Variants in LTK observed in about 807,000 individuals in gnomAD.
LTK encodes leukocyte tyrosine kinase receptor.
LTK carries 117 observed loss-of-function variants against 101.5 expected under a neutral mutation model. The ratio of observed to expected loss-of-function variants is 1.15; its 90% CI spans 0.99 to 1.34. The LOEUF (loss-of-function observed/expected upper bound fraction) is 1.34, where lower values mean the gene tolerates loss of function less well. LTK is among the 40% of genes most tolerant of loss of function. The probability of loss-of-function intolerance (pLI) is 0.00; values close to 1 mark genes in which losing one functional copy is unlikely to be tolerated. For synonymous variants in LTK, 563 were observed against 494.2 expected, an observed-to-expected ratio of 1.14 and a Z score of -1.85; for missense variants, 1,252 against 1,164.7, an observed-to-expected ratio of 1.07 and a Z score of -1.09.
chr15:41,505,151 C>CTT (rs2051223466), intron 15 of LTK, 57 bp downstream of exon 15: 1 of 1,587,896 alleles, frequency 6.3e-7, no homozygotes, highest in African/African-American at 1.3e-5. Context: ...TGTGGAAGGG[C>CTT]TGTTCCTTGG....
In LTK at chr15:41,511,423, T is replaced by C; in HGVS notation, c.813A>G (p.Ala271=). ...TCTCCCCGCGGCCCGCGCCCTCACC[T>C]GCCGCCCCGCCTCTCCCGCCGCTCC... ...APGSGGRGGA[A]GGGGGWTSRA... Residue 271 remains alanine (A), a splice_region_variant and synonymous_variant, in exon 6 of 20, where the codon GCA becomes GCG. Coordinates refer to ENST00000263800, the MANE Select transcript of LTK (RefSeq NM_002344.6). This position sits in a 1 kb window ranked among gnomAD's most constrained non-coding sequence, Gnocchi z 5.9. 1 of 1,382,988 alleles carries C rather than the reference T, an allele frequency of 7.2e-7. No homozygotes were observed. The highest frequency in any genetic ancestry group is 9.3e-7 in the Non-Finnish European group (1 of 1,077,168). The allele number at this position is 1,382,988 out of a possible 1,614,324, so 85.7% of individuals were successfully genotyped here.
chr15:41,503,731 C>A lies in LTK; in HGVS notation c.*265G>T. 1 of 652,718 alleles carries A rather than the reference C, an allele frequency of 1.5e-6. No individual in the cohort carries two copies. Among genetic ancestry groups the A allele is most frequent in the Non-Finnish European group, 2.8e-6 (1 of 353,066 alleles). The allele number at this position is 652,718 out of a possible 1,614,324, so 40.4% of individuals were successfully genotyped here. A position where few individuals can be genotyped will look rare whatever the true frequency, so the allele number is the denominator to read the frequency against. On this transcript the variant is annotated 3_prime_UTR_variant, in exon 20 of 20. Transcript: ENST00000263800. ...CATAATGGGAGAGCAATCCAGTGCT[C>A]CCCATGGACACCTGGGGTGTGTGTA...
At chr15:41,505,093 C>G (rs1465773887) in intron 15 of LTK, 29 bp from the exon 16 acceptor site, 2 of 1,594,250 alleles carry the variant, frequency 1.3e-6, no homozygotes, top group Non-Finnish European at 1.7e-6. Flanking sequence ...AAATCACTGC[C>G]AGAATCTAGA....
Position 41,513,038 on chromosome 15 carries a change from C to A in LTK, c.126G>T (p.Arg42=). ...SPLPLASPSP[R]DPKVSAPPSI... ...TAGGCGGGGCGCTGACTTTCGGGTC[C>A]CGGGGGCTGGGACTTGCCAGCGGCA... Residue 42 remains arginine (R), a synonymous_variant, in exon 2 of 20, where the codon CGG becomes CGT. Transcript: ENST00000263800. 6.2e-7 allele frequency: 1 copy of A among 1,612,698 alleles called. No homozygotes were observed. Among genetic ancestry groups the A allele is most frequent in the South Asian group, 1.1e-5 (1 of 91,012 alleles).
At chr15:41,508,043 A>G (rs1444478249) in intron 9 of LTK, 26 bp downstream of exon 9, 1 of 1,567,868 alleles carries the variant, frequency 6.4e-7, no homozygotes, top group Non-Finnish European at 8.6e-7. Flanking sequence ...CCAGGAGTCC[A>G]GACCTTGGGC....
At position 41,512,146 on chromosome 15, in the gene LTK, AC is replaced by A. The variant is rs2051496012; in HGVS notation, c.478del (p.Val160TrpfsTer81). On this transcript the variant is annotated frameshift_variant, in exon 4 of 20. Coordinates refer to ENST00000263800, the MANE Select transcript of LTK (RefSeq NM_002344.6). LOFTEE classifies it high-confidence loss of function. ...LGLGESLYIL[V>X]GQQGEDACPG... ...ACAGGCGTCCTCTCCCTGCTGCCCC[AC>A]CAGGATGTACAGCGACTCCCCGAGA... The A allele has an allele frequency of 1.2e-6, 2 of 1,604,728 alleles. No individual in the cohort carries two copies. Among genetic ancestry groups the A allele is most frequent in the Non-Finnish European group, 1.7e-6 (2 of 1,176,570 alleles).
Position 41,513,692 on chromosome 15 carries a change from C to G in LTK, c.18G>C (p.Gln6His). The G allele has an allele frequency of 6.2e-7, 1 of 1,612,312 alleles. No homozygotes were observed. The highest frequency in any genetic ancestry group is 1.1e-5 in the South Asian group (1 of 91,020). MGCWG[Q>H]LLVWFGAAGA... ...CCGCGGCTCCGAACCACACCAGCAG[C>G]TGTCCCCAGCAGCCCATCCCTGTTG... Residue 6 changes from glutamine (Q) to histidine (H), a missense_variant, in exon 1 of 20, where the codon CAG becomes CAC. Physicochemically the swap from Gln to His is conservative, Grantham distance 24 (BLOSUM62 0). Transcript: ENST00000263800.
At chr15:41,504,747 G>A (rs1206478001) in intron 17 of LTK, 26 bp downstream of exon 17, 5 of 1,601,862 alleles carry the variant, frequency 3.1e-6, no homozygotes, top group South Asian at 2.3e-5. Context: ...GAACAGTGGG[G>A]AAGGGGAGGG....
chr15:41,505,377 G>C (rs775424989), intron 14 of LTK, 24 bp downstream of exon 14: 1 of 1,613,660 alleles, frequency 6.2e-7, no homozygotes, highest in Non-Finnish European at 8.5e-7. Context: ...GAGGGGCCTG[G>C]GGGGGCTAAG....
At position 41,512,792 on chromosome 15, in the gene LTK, C is replaced by G. The variant is rs769650708; in HGVS notation, c.274G>C (p.Gly92Arg). The change falls in exon 3 of 20, where the codon GGG (glycine) becomes CGG (arginine). Residue 92 changes from glycine to arginine, a missense_variant. Gly to Arg is a moderately radical substitution (Grantham distance 125). Transcript: ENST00000263800. ...TQTQCDGAYA[G>R]TSVVVTVGAA... ...CCCACGGTCACCACCACGCTGGTCC[C>G]CGCGTACGCCCCGTCACATTGTGTC... The G allele has an allele frequency of 6.2e-7, 1 of 1,612,312 alleles. No homozygotes were observed. The highest frequency in any genetic ancestry group is 8.5e-7 in the Non-Finnish European group (1 of 1,179,718).
Position 41,511,974 on chromosome 15 carries a change from C to T in LTK, c.511-11G>A. 1 of 1,465,918 alleles carries T rather than the reference C, an allele frequency of 6.8e-7. No individual in the cohort carries two copies. The highest frequency in any genetic ancestry group is 8.9e-7 in the Non-Finnish European group (1 of 1,118,886). 90.8% of individuals were successfully genotyped at this position (1,465,918 alleles called of 1,614,324 possible). On this transcript the variant is annotated splice_polypyrimidine_tract_variant and intron_variant, in intron 4 of 19. Coordinates refer to ENST00000263800, the MANE Select transcript of LTK (RefSeq NM_002344.6). The surrounding 1 kb of genome is among the most constrained non-coding windows in gnomAD (Gnocchi z 5.9). ...GCTCTCCGGGCTACCCTGCGGGCAG[C>T]GGGGGAGGGAATCGGCGGGGCCCGG...
chr15:41,509,438 A>G (rs898700226), intron 7 of LTK, among the ~76,000 whole-genome samples: 1 of 152,240 alleles, frequency 6.6e-6, no homozygotes, highest in Non-Finnish European at 1.5e-5. Context: ...GACAGGCACA[A>G]AGGCATTTAC....
At chr15:41,506,183 A>G (rs1223812599) in intron 11 of LTK, among the ~76,000 whole-genome samples, 178 bp from the exon 12 acceptor site, 1 of 152,242 alleles carries the variant, frequency 6.6e-6, no homozygotes, top group Non-Finnish European at 1.5e-5. Flanking sequence ...GCTCACTGGC[A>G]TAGAGCCAGG....
Position 41,504,654 on chromosome 15 carries a change from G to A in LTK, c.2121-14C>T, listed in dbSNP as rs753740068. 3.2e-5 allele frequency: 51 copies of A among 1,611,594 alleles called. No homozygotes were observed. The South Asian group carries it at 5.0e-4, about 16-fold the overall frequency. ...ACCCCAAAAGACCTGCATCACAAGT[G>A]GGGGAACCAAGTGAGGCCCGTCAGG... On this transcript the variant is annotated splice_polypyrimidine_tract_variant and intron_variant, in intron 17 of 19. Transcript: ENST00000263800.
intron 10 of LTK, 73 bp downstream of exon 10, chr15:41,507,489 C>A (rs1190330119): frequency 6.4e-7 from 1 of 1,574,104 alleles, no homozygotes; most frequent in Non-Finnish European, 8.6e-7. Flanking sequence ...GCCCCGGGAC[C>A]CCGCAGAAAC....
chr15:41,503,891 C>T lies in LTK; in HGVS notation c.*105G>A. On this transcript the variant is annotated 3_prime_UTR_variant, in exon 20 of 20. Coordinates refer to ENST00000263800, the MANE Select transcript of LTK (RefSeq NM_002344.6). Reference sequence around the variant, plus strand: ...GACAGGCCCAGACACACAGCACAGACTGCAGGGAACAGAGGCCGCTGGCAT... The same window carrying T: ...GACAGGCCCAGACACACAGCACAGATTGCAGGGAACAGAGGCCGCTGGCAT... 1.5e-6 allele frequency: 2 copies of T among 1,304,884 alleles called. No individual in the cohort carries two copies. Among genetic ancestry groups the T allele is most frequent in the South Asian group, 1.5e-5 (1 of 66,548 alleles). The allele number at this position is 1,304,884 out of a possible 1,614,324, so 80.8% of individuals were successfully genotyped here. A position where few individuals can be genotyped will look rare whatever the true frequency, so the allele number is the denominator to read the frequency against.
Position 41,512,897 on chromosome 15 carries a change from G to A in LTK, c.188-19C>T, listed in dbSNP as rs771783957. The A allele has an allele frequency of 1.2e-6, 2 of 1,608,268 alleles. No individual in the cohort carries two copies. The highest frequency in any genetic ancestry group is 1.1e-5 in the South Asian group (1 of 90,860). On this transcript the variant is annotated intron_variant, in intron 2 of 19. Transcript: ENST00000263800. The stretch of plus-strand genomic sequence containing the variant: ...TCGGTGCCTGAGAGCAAGGAGCGAG[G>A]CAAGGGTCGTCGAGCCCCTGGCTGG...
intron 11 of LTK, 142 bp downstream of exon 11, chr15:41,506,953 G>C: frequency 1.4e-6 from 1 of 690,356 alleles, no homozygotes; most frequent in Non-Finnish European, 2.4e-6. Context: ...TCCCCTTCTG[G>C]AGCTTCTCAG....
chr15:41,511,948 G>A lies in LTK; in HGVS notation c.526C>T (p.Gln176Ter). ...CGAGACTCCCCGAGGCAGACGAGCT[G>A]GCTCTCCGGGCTACCCTGCGGGCAG... ...DACPGGSPESQLVCLGESRAV... is the reference protein window; with the variant it reads ...DACPGGSPES Residue 176 changes from glutamine to a stop codon, truncating the protein, a stop_gained, in exon 5 of 20, where the codon CAG becomes TAG. Transcript: ENST00000263800. LOFTEE classifies it high-confidence loss of function. This position sits in a 1 kb window ranked among gnomAD's most constrained non-coding sequence, Gnocchi z 5.9. 6.7e-7 allele frequency: 1 copy of A among 1,488,444 alleles called. No individual in the cohort carries two copies. The allele number at this position is 1,488,444 out of a possible 1,614,324, so 92.2% of individuals were successfully genotyped here.
Sources: allele counts gnomAD v4.1 joint callset (sites outside exome capture counted in the v4.1 genomes callset), GRCh38; gene constraint gnomAD v4.1.1; non-coding constraint Gnocchi (gnomAD v3.1); transcripts MANE v1.5; gene names NCBI Gene and HGNC (gene_info 2026-07-23, HGNC 2026-07-21).